The following CXCL13 variants were observed in gnomAD, a reference collection of about 807,000 sequenced individuals.
The protein encoded by CXCL13 is C-X-C motif chemokine ligand 13.
Under a neutral mutation model 12.2 loss-of-function variants are expected in CXCL13, and 7 were observed. The ratio of observed to expected loss-of-function variants is 0.57; its 90% CI spans 0.33 to 1.07. The LOEUF (loss-of-function observed/expected upper bound fraction) is 1.07. Among genes scored for constraint, CXCL13 ranks in the 50% least tolerant of loss-of-function variants. The pLI, the probability that CXCL13 is intolerant of heterozygous loss-of-function variation, is 0.04. For synonymous variants in CXCL13, 47 were observed against 42.4 expected (o/e 1.11, Z -0.42); for missense variants, 113 against 127.4 (o/e 0.89, Z 0.55).
intron 1 of CXCL13, among the ~76,000 whole-genome samples, chr4:77,564,978 T>A (rs573571421): frequency 4.3e-4 from 65 of 152,286 alleles, no homozygotes; most frequent in African/African-American, 1.5e-3. Context: ...CCTGGACCCA[T>A]TTTGCTTCAC....
At chr4:77,605,435 G>A (rs879299812), upstream of CXCL13, among the ~76,000 whole-genome samples, 4 of 152,082 alleles carry the variant, frequency 2.6e-5, no homozygotes, top group African/African-American at 2.4e-5. Flanking sequence ...TGCGCTCGAC[G>A]GAGTCCCCAA....
chr4:77,514,988 G>A lies in CXCL13; in HGVS notation c.-43+3200G>A, dbSNP rs369401818. Among the ~76,000 whole-genome samples the A allele has an allele frequency of 6.6e-5, 10 of 152,074 alleles. No individual in the cohort carries two copies. The East Asian group carries it at 1.4e-3, about 21-fold the overall frequency. On this transcript the variant is annotated intron_variant, in intron 1 of 4. Transcript: ENST00000286758. Reference sequence around the variant, plus strand: ...CATCTTGAATTGATTTTTGTATAAGGTGTAAGGAAGGGATCCAGTTTCAGC... The same window carrying A: ...CATCTTGAATTGATTTTTGTATAAGATGTAAGGAAGGGATCCAGTTTCAGC...
chr4:77,515,547 G>A (rs1342764127), intron 1 of CXCL13, among the ~76,000 whole-genome samples: 2 of 152,096 alleles, frequency 1.3e-5, no homozygotes, highest in South Asian at 2.1e-4. Flanking sequence ...GGATTCCTAG[G>A]TATTTTATTC....
At chr4:77,596,814 A>T (rs1222429552) in intron 1 of CXCL13, among the ~76,000 whole-genome samples, 1 of 151,718 alleles carries the variant, frequency 6.6e-6, no homozygotes, top group East Asian at 1.9e-4. Flanking sequence ...GAAAAGAAAA[A>T]GAAGAAAAGA....
chr4:77,602,672 T>C (rs1053547832), upstream of CXCL13, among the ~76,000 whole-genome samples: 2 of 152,210 alleles, frequency 1.3e-5, no homozygotes, highest in African/African-American at 4.8e-5. Flanking sequence ...AATTTTCTCA[T>C]TTTATGTATC....
At chr4:77,540,964 G>A (rs1054652122) in intron 1 of CXCL13, among the ~76,000 whole-genome samples, 1 of 152,042 alleles carries the variant, frequency 6.6e-6, no homozygotes. Flanking sequence ...GGTGTGAGAT[G>A]GTATCTCAAT....
At chr4:77,571,145 G>A (rs534252156) in intron 1 of CXCL13, among the ~76,000 whole-genome samples, 22 of 152,120 alleles carry the variant, frequency 1.4e-4, no homozygotes, top group African/African-American at 3.4e-4. Context: ...GTGGGGATGC[G>A]GAGAGTCTTT....
Position 77,611,144 on chromosome 4 carries a change from A to G in CXCL13, c.*105A>G. 1 of 947,788 alleles carries G rather than the reference A, an allele frequency of 1.1e-6. No individual in the cohort carries two copies. Among genetic ancestry groups the G allele is most frequent in the Non-Finnish European group, 1.6e-6 (1 of 615,642 alleles). 58.7% of individuals were successfully genotyped at this position (947,788 alleles called of 1,614,324 possible). On this transcript the variant is annotated 3_prime_UTR_variant, in exon 4 of 4. Coordinates refer to ENST00000682537, the MANE Select transcript of CXCL13 (RefSeq NM_001371558.1). The stretch of plus-strand genomic sequence containing the variant: ...TTTCCAGGAAAAAGAACTTCCCCAT[A>G]CAAATAAGCATGAGACTATGTAAAA...
chr4:77,571,644 C>T (rs184807), intron 1 of CXCL13, among the ~76,000 whole-genome samples: 63,733 of 151,328 alleles, frequency 0.42, 14,254 homozygotes, highest in African/African-American at 0.54. Flanking sequence ...ATCAGTGCCC[C>T]GACAAAACAA....
At chr4:77,601,129 GGT>G (rs1442502853), upstream of CXCL13, among the ~76,000 whole-genome samples, 7 of 152,100 alleles carry the variant, frequency 4.6e-5, no homozygotes, top group Non-Finnish European at 7.3e-5. Flanking sequence ...ACACGTTTTA[GGT>G]TTGTGGTGGC....
chr4:77,550,187 G>C (rs1725476025), intron 1 of CXCL13, among the ~76,000 whole-genome samples: 1 of 152,230 alleles, frequency 6.6e-6, no homozygotes, highest in Non-Finnish European at 1.5e-5. Context: ...CACTTGCTAA[G>C]ACCATTGGAA....
At chr4:77,595,883 A>T (rs995595645) in intron 1 of CXCL13, among the ~76,000 whole-genome samples, 2 of 152,158 alleles carry the variant, frequency 1.3e-5, no homozygotes, top group Non-Finnish European at 2.9e-5. Flanking sequence ...ACTTCCTAAG[A>T]CAATGTCCCC....
intron 1 of CXCL13, among the ~76,000 whole-genome samples, chr4:77,528,236 C>T (rs938817521): frequency 4.6e-5 from 7 of 152,148 alleles, no homozygotes; most frequent in Non-Finnish European, 8.8e-5. Context: ...CCGCAATAAA[C>T]ATATGTGTGC....
At chr4:77,573,362 T>TTG (rs3048191) in intron 1 of CXCL13, among the ~76,000 whole-genome samples, 11,246 of 134,834 alleles carry the variant, frequency 0.083, 498 homozygotes, top group Middle Eastern at 0.13. Context: ...ATTGGGTCTT[T>TTG]TGTGTGTGTG....
chr4:77,585,619 C>T lies in CXCL13; in HGVS notation c.-42-20205C>T, dbSNP rs116635303. 1.8e-3 allele frequency among the ~76,000 whole-genome samples: 273 copies of T among 152,294 alleles called. 2 individuals are homozygous for T. The highest frequency in any genetic ancestry group is 6.3e-3 in the African/African-American group (262 of 41,560). ...CTTTCCTACACCAGTCTCAGAGAGA[C>T]GCTGTGTCACCCAGTGGACACTAAA... On this transcript the variant is annotated intron_variant, in intron 1 of 4. Transcript: ENST00000286758.
chr4:77,548,316 C>G (rs1303055617), intron 1 of CXCL13, among the ~76,000 whole-genome samples: 1 of 152,188 alleles, frequency 6.6e-6, no homozygotes, highest in Admixed American at 6.5e-5. Context: ...AAGGTCTTTA[C>G]AAAAATGACT....
At chr4:77,554,530 G>A (rs1428307372) in intron 1 of CXCL13, among the ~76,000 whole-genome samples, 1 of 152,098 alleles carries the variant, frequency 6.6e-6, no homozygotes, top group Non-Finnish European at 1.5e-5. Flanking sequence ...TCAGTAGTTG[G>A]TAAAACAGAA....
At chr4:77,518,163 C>A (rs982651782) in intron 1 of CXCL13, among the ~76,000 whole-genome samples, 3 of 152,108 alleles carry the variant, frequency 2.0e-5, no homozygotes, top group African/African-American at 7.2e-5. Flanking sequence ...CTGAGAGATC[C>A]GCTGTTAGTC....
intron 1 of CXCL13, among the ~76,000 whole-genome samples, chr4:77,564,502 C>G (rs1242749336): frequency 6.6e-6 from 1 of 152,158 alleles, no homozygotes; most frequent in Non-Finnish European, 1.5e-5. Context: ...CTGATTGTTC[C>G]TGATGATATC....
Sources: gnomAD v4.1 joint callset for allele counts (sites outside exome capture counted in the v4.1 genomes callset) on GRCh38, gnomAD v4.1.1 for gene constraint, MANE v1.5 for transcripts, NCBI Gene and HGNC (gene_info 2026-07-23, HGNC 2026-07-21) for gene names.